The following FBXO40 variants were observed in gnomAD, a reference collection of about 807,000 sequenced individuals.
FBXO40 encodes the protein F-box only protein 40.
FBXO40 carries 50 observed loss-of-function variants against 49.9 expected under a neutral mutation model. That is an observed-to-expected ratio of 1.00 (90% confidence interval 0.80 to 1.27). FBXO40 has a LOEUF of 1.27. FBXO40 is among the 50% of genes most tolerant of loss of function. The pLI, the probability that FBXO40 is intolerant of heterozygous loss-of-function variation, is 0.00. For synonymous variants in FBXO40, 340 were observed against 320.2 expected, an observed-to-expected ratio of 1.06 and a Z score of -0.66; for missense variants, 895 against 870.1, an observed-to-expected ratio of 1.03 and a Z score of -0.36.
At chr3:121,624,647 C>A (rs1036194682) in intron 3 of FBXO40, among the ~76,000 whole-genome samples, 1 of 152,130 alleles carries the variant, frequency 6.6e-6, no homozygotes, top group Non-Finnish European at 1.5e-5. Flanking sequence ...CCTGGCTTCC[C>A]CCCTGCATGG....
intron 1 of FBXO40, among the ~76,000 whole-genome samples, chr3:121,605,485 A>T (rs1338939033): frequency 6.6e-6 from 1 of 152,212 alleles, no homozygotes; most frequent in Non-Finnish European, 1.5e-5. Context: ...CACAAGTAGC[A>T]TTTGTCAAGG....
intron 1 of FBXO40, among the ~76,000 whole-genome samples, chr3:121,611,393 T>G (rs891022333): frequency 2.6e-5 from 4 of 152,212 alleles, no homozygotes; most frequent in South Asian, 2.1e-4. Context: ...TATGTCATAA[T>G]GAAGTTCAAG....
At chr3:121,612,539 T>C (rs2048971742) in intron 1 of FBXO40, among the ~76,000 whole-genome samples, 1 of 152,130 alleles carries the variant, frequency 6.6e-6, no homozygotes, top group Non-Finnish European at 1.5e-5. Context: ...GCATAAGTGG[T>C]CATGAATTAT....
intron 1 of FBXO40, among the ~76,000 whole-genome samples, chr3:121,595,482 G>C (rs977684885): frequency 6.6e-6 from 1 of 152,170 alleles, no homozygotes; most frequent in Non-Finnish European, 1.5e-5. Flanking sequence ...AAAAGCACCA[G>C]ATATAAGAAT....
At chr3:121,616,294 T>C (rs762469642) in intron 1 of FBXO40, among the ~76,000 whole-genome samples, 1 of 152,146 alleles carries the variant, frequency 6.6e-6, no homozygotes, top group Non-Finnish European at 1.5e-5. Flanking sequence ...CATTTATTAA[T>C]GTGCATAAGA....
rs376797091 is a variant in FBXO40, at chr3:121,620,582, A to T, written c.3+4A>T. The T allele has an allele frequency of 5.6e-6, 9 of 1,614,054 alleles. No homozygotes were observed. The African/African-American group carries it at 9.3e-5, about 17-fold the overall frequency. ...AAGAAGAAATTGGGGCGCCATGGTA[A>T]GCACCAGGAGCTTATTGAAGCTTCA... On this transcript the variant is annotated splice_donor_region_variant and intron_variant, in intron 2 of 3. Transcript: ENST00000338040.
At chr3:121,603,669 C>T (rs2048912716) in intron 1 of FBXO40, among the ~76,000 whole-genome samples, 1 of 152,072 alleles carries the variant, frequency 6.6e-6, no homozygotes, top group African/African-American at 2.4e-5. Flanking sequence ...TCACTATTCA[C>T]TGAAAGGTGA....
At chr3:121,602,401 A>C (rs994258224) in intron 1 of FBXO40, among the ~76,000 whole-genome samples, 3 of 152,080 alleles carry the variant, frequency 2.0e-5, no homozygotes, top group African/African-American at 7.2e-5. Context: ...CTCCTCCCCA[A>C]ATTGTTCCCT....
At chr3:121,618,455 C>T (rs894093536) in intron 1 of FBXO40, among the ~76,000 whole-genome samples, 54 of 141,234 alleles carry the variant, frequency 3.8e-4, no homozygotes, top group Admixed American at 2.3e-3. Flanking sequence ...GGCGTGATCT[C>T]GATTCACTGC....
At chr3:121,625,779 G>A (rs1365179052) in intron 3 of FBXO40, among the ~76,000 whole-genome samples, 8 of 152,144 alleles carry the variant, frequency 5.3e-5, no homozygotes, top group Non-Finnish European at 1.2e-4. Flanking sequence ...ACTCACATTA[G>A]AATGGATTTT....
At chr3:121,593,615 C>A (rs1480859479) in intron 1 of FBXO40, 113 bp downstream of exon 1, 1 of 152,166 alleles carries the variant, frequency 6.6e-6, no homozygotes, top group Non-Finnish European at 1.5e-5. Context: ...GATTGTTAAG[C>A]AAATTAGTTA....
chr3:121,593,725 C>T (rs771590920), intron 1 of FBXO40, among the ~76,000 whole-genome samples: 34 of 152,044 alleles, frequency 2.2e-4, no homozygotes, highest in Non-Finnish European at 4.6e-4. Flanking sequence ...TGCTTTCTGA[C>T]AGCTTAGGTT....
intron 1 of FBXO40, among the ~76,000 whole-genome samples, chr3:121,599,151 C>T (rs1190135198): frequency 6.6e-6 from 1 of 151,972 alleles, no homozygotes; most frequent in African/African-American, 2.4e-5. Context: ...ACTGCTTTTT[C>T]AGACAAGAAG....
rs2141488 is a variant in FBXO40, at chr3:121,627,809, C to T, written c.*899C>T. 303,720 of 398,432 alleles carry T rather than the reference C, an allele frequency of 0.76. 116,272 individuals are homozygous for T. The highest frequency in any genetic ancestry group is 0.82 in the Admixed American group (18,582 of 22,730). The allele number at this position is 398,432 out of a possible 1,614,324, so 24.7% of individuals were successfully genotyped here. A position where few individuals can be genotyped will look rare whatever the true frequency, so the allele number is the denominator to read the frequency against. ...CTCAATACACTAATGCCAACCTCAG[C>T]GTCATGCCAGAATGCACAGGGCAGC... On this transcript the variant is annotated 3_prime_UTR_variant, in exon 4 of 4. Coordinates refer to ENST00000338040, the MANE Select transcript of FBXO40 (RefSeq NM_016298.4).
intron 1 of FBXO40, among the ~76,000 whole-genome samples, chr3:121,598,671 C>T (rs1297764193): frequency 6.6e-6 from 1 of 152,138 alleles, no homozygotes; most frequent in East Asian, 1.9e-4. Context: ...TGGCATTGGG[C>T]AGTGGTGGAG....
Position 121,623,098 on chromosome 3 carries a change from AGG to A in FBXO40, c.1670_1671del (p.Arg557LysfsTer98), listed in dbSNP as rs1268828838. 6.2e-7 allele frequency: 1 copy of A among 1,614,114 alleles called. No individual in the cohort carries two copies. The highest frequency in any genetic ancestry group is 8.5e-7 in the Non-Finnish European group (1 of 1,180,042). Reference sequence around the variant, plus strand: ...GGTTGCTCCAGAGCTGAGCGAGGGAAGGAAGAACAACCATCTTTTGGGTCATG... The same window carrying A: ...GGTTGCTCCAGAGCTGAGCGAGGGAAAAGAACAACCATCTTTTGGGTCATG... ...PEVAPELSEG[R>X]KNNHLLGHGG... On this transcript the variant is annotated frameshift_variant, in exon 3 of 4. Transcript: ENST00000338040. LOFTEE classifies it high-confidence loss of function.
chr3:121,595,275 C>T (rs1246645323), intron 1 of FBXO40, among the ~76,000 whole-genome samples: 1 of 152,162 alleles, frequency 6.6e-6, no homozygotes, highest in East Asian at 1.9e-4. Flanking sequence ...CACCTAACTT[C>T]ATTTAATTTT....
intron 1 of FBXO40, among the ~76,000 whole-genome samples, chr3:121,594,922 C>T (rs1273684387): frequency 6.6e-6 from 1 of 152,186 alleles, no homozygotes; most frequent in African/African-American, 2.4e-5. Context: ...TAGTTTCTCG[C>T]TTCTGGAATA....
chr3:121,621,373 T>G, intron 2 of FBXO40, 60 bp from the exon 3 acceptor site: 3 of 1,435,182 alleles, frequency 2.1e-6, no homozygotes, highest in Non-Finnish European at 2.9e-6. Context: ...GTCATAGACA[T>G]GCATAGAGCT....
Sources: allele counts gnomAD v4.1 joint callset (sites outside exome capture counted in the v4.1 genomes callset), GRCh38; gene constraint gnomAD v4.1.1; transcripts MANE v1.5; gene names NCBI Gene and HGNC (gene_info 2026-07-23, HGNC 2026-07-21).